Variants in EYS observed in about 807,000 individuals in gnomAD.
The protein encoded by EYS is protein eyes shut homolog.
Under a neutral mutation model 282.1 loss-of-function variants are expected in EYS, and 250 were observed. The observed-to-expected ratio is 0.89, with a 90% CI of 0.80 to 0.98. The LOEUF is 0.98. Ranked by LOEUF, EYS falls within the 50% of genes least tolerant of loss-of-function variation. The pLI is 0.00. For synonymous variants in EYS, 1,355 were observed against 1,282.9 expected, an observed-to-expected ratio of 1.06 and a Z score of -1.20; for missense variants, 4,016 against 3,709.0, an observed-to-expected ratio of 1.08 and a Z score of -2.15.
At chr6:64,881,288 A>G (rs946419983) in intron 19 of EYS, among the ~76,000 whole-genome samples, 2 of 151,848 alleles carry the variant, frequency 1.3e-5, no homozygotes, top group African/African-American at 2.4e-5. Context: ...AGTCATACAC[A>G]TGAGAACAAG....
chr6:63,957,069 A>G (rs902331244), intron 35 of EYS, among the ~76,000 whole-genome samples: 1 of 152,228 alleles, frequency 6.6e-6, no homozygotes, highest in Non-Finnish European at 1.5e-5. Flanking sequence ...TTGATGATCA[A>G]TTAACACTGA....
intron 26 of EYS, among the ~76,000 whole-genome samples, chr6:64,509,320 C>G (rs1777311154): frequency 6.6e-6 from 1 of 152,100 alleles, no homozygotes; most frequent in South Asian, 2.1e-4. Flanking sequence ...ACTTGTCTGC[C>G]TGACAGTGTA....
chr6:65,442,580 C>T (rs12663968), intron 5 of EYS, among the ~76,000 whole-genome samples: 29,938 of 151,394 alleles, frequency 0.2, 3,673 homozygotes, highest in Middle Eastern at 0.3. Flanking sequence ...AGTGAAACCC[C>T]GTCTCTACTA....
rs527534063 is a variant in EYS at position 65,108,900 on chromosome 6, T to G, written c.2024-51173A>C. ...TCTTTTCAATATTTATTCTTTCTGT[T>G]CTTCACCTTGGGTGAACTCTGTTGG... is the stretch of plus-strand genomic sequence containing the variant. On this transcript the variant is annotated intron_variant, in intron 12 of 42. Transcript: ENST00000503581. 2.6e-5 allele frequency among the ~76,000 whole-genome samples: 4 copies of G among 152,112 alleles called. No individual in the cohort carries two copies. The East Asian group carries it at 7.7e-4, about 29-fold the overall frequency.
At chr6:64,245,099 T>C (rs1231443667) in intron 30 of EYS, among the ~76,000 whole-genome samples, 1 of 151,728 alleles carries the variant, frequency 6.6e-6, no homozygotes, top group African/African-American at 2.4e-5. Context: ...GTCCTTGTGA[T>C]AGTTTGCTCA....
intron 26 of EYS, among the ~76,000 whole-genome samples, chr6:64,511,436 C>T (rs546750186): frequency 1.2e-4 from 18 of 151,934 alleles, no homozygotes; most frequent in African/African-American, 4.3e-4. Context: ...GAGCAGTATA[C>T]AATCAAAAAG....
intron 15 of EYS, among the ~76,000 whole-genome samples, chr6:64,919,643 T>C (rs1272948702): frequency 3.3e-5 from 5 of 152,120 alleles, no homozygotes; most frequent in Non-Finnish European, 5.9e-5. Flanking sequence ...ATATTTTTCA[T>C]ACATTTTGAT....
chr6:64,211,718 A>C (rs1409369345), intron 31 of EYS, among the ~76,000 whole-genome samples: 1 of 149,346 alleles, frequency 6.7e-6, no homozygotes, highest in African/African-American at 2.4e-5. Context: ...TTTAAATTAT[A>C]TATGTTTATA....
intron 22 of EYS, among the ~76,000 whole-genome samples, chr6:64,812,406 C>T (rs1007709722): frequency 2.0e-5 from 3 of 151,844 alleles, no homozygotes; most frequent in African/African-American, 7.3e-5. Flanking sequence ...TATTCTTGAA[C>T]TTATATGAAA....
At chr6:65,565,727 A>G (rs372948658) in intron 2 of EYS, among the ~76,000 whole-genome samples, 1 of 152,160 alleles carries the variant, frequency 6.6e-6, no homozygotes, top group Non-Finnish European at 1.5e-5. Context: ...GGCTGGATAA[A>G]GAAAATGCGG....
intron 31 of EYS, among the ~76,000 whole-genome samples, chr6:64,207,678 T>C (rs979795454): frequency 5.3e-5 from 8 of 150,828 alleles, no homozygotes; most frequent in Admixed American, 2.0e-4. Flanking sequence ...AACTTTATTT[T>C]TTTGAGGGAG....
intron 34 of EYS, among the ~76,000 whole-genome samples, chr6:63,990,238 C>T (rs1009361890): frequency 4.0e-5 from 6 of 151,664 alleles, no homozygotes; most frequent in African/African-American, 1.5e-4. Flanking sequence ...CCCAGACCCT[C>T]TTTCCCCTGT....
intron 35 of EYS, among the ~76,000 whole-genome samples, chr6:63,944,173 T>C (rs533855126): frequency 2.0e-5 from 3 of 152,282 alleles, no homozygotes; most frequent in African/African-American, 7.2e-5. Flanking sequence ...ACAGCCAAAA[T>C]AATCCTGGCT....
At chr6:64,032,955 C>A (rs1769925462) in intron 33 of EYS, among the ~76,000 whole-genome samples, 1 of 152,078 alleles carries the variant, frequency 6.6e-6, no homozygotes. Flanking sequence ...TTAACTCACT[C>A]CCCAGCCACT....
chr6:64,458,308 CT>C (rs1231363875), intron 26 of EYS, among the ~76,000 whole-genome samples: 2 of 151,444 alleles, frequency 1.3e-5, no homozygotes, highest in Non-Finnish European at 3.0e-5. Flanking sequence ...TGCTTAGTAC[CT>C]TTTTTTTAGC....
chr6:65,596,971 C>T (rs1024793819), intron 2 of EYS, among the ~76,000 whole-genome samples: 4 of 151,988 alleles, frequency 2.6e-5, no homozygotes, highest in African/African-American at 9.7e-5. Flanking sequence ...CTGCTTTCAA[C>T]AAAGAGAGAA....
chr6:64,008,788 G>T (rs1029022634), intron 33 of EYS, among the ~76,000 whole-genome samples: 1 of 152,152 alleles, frequency 6.6e-6, no homozygotes. Flanking sequence ...GGTGAATATA[G>T]GCCCCCAATC....
intron 16 of EYS, among the ~76,000 whole-genome samples, 159 bp downstream of exon 16, chr6:64,912,325 C>G (rs151312786): frequency 6.6e-6 from 1 of 152,228 alleles, no homozygotes; most frequent in African/African-American, 2.4e-5. Flanking sequence ...TTCTCTAATA[C>G]ATTTTTATAA....
chr6:64,988,163 G>C (rs1441911080), intron 14 of EYS, among the ~76,000 whole-genome samples: 1 of 151,302 alleles, frequency 6.6e-6, no homozygotes, highest in African/African-American at 2.4e-5. Flanking sequence ...TAAACCAGGG[G>C]AACTGACCTA....
Sources: gnomAD v4.1 joint callset for allele counts (sites outside exome capture counted in the v4.1 genomes callset) on GRCh38, gnomAD v4.1.1 for gene constraint, MANE v1.5 for transcripts, NCBI Gene and HGNC (gene_info 2026-07-23, HGNC 2026-07-21) for gene names.